KIF6: variants seen among roughly 807,000 people sequenced by gnomAD.
The protein encoded by KIF6 is kinesin family member 6.
Under a neutral mutation model 112.7 loss-of-function variants are expected in KIF6, and 106 were observed. The observed-to-expected ratio is 0.94, with a 90% CI of 0.80 to 1.11. The LOEUF (loss-of-function observed/expected upper bound fraction) is 1.11, where lower values mean the gene tolerates loss of function less well. Among genes scored for constraint, KIF6 ranks in the 50% least tolerant of loss-of-function variants. The pLI is 0.00. For missense variants in KIF6, 929 were observed against 964.0 expected (o/e 0.96, Z 0.48); for synonymous variants, 339 against 339.9 (o/e 1.00, Z 0.03).
intron 3 of KIF6, among the ~76,000 whole-genome samples, chr6:39,711,755 T>A (rs1172796516): frequency 6.6e-6 from 1 of 152,126 alleles, no homozygotes; most frequent in African/African-American, 2.4e-5. Context: ...TAGGTATAAC[T>A]TTGAGATAAT....
At chr6:39,681,779 T>G (rs981173272) in intron 3 of KIF6, among the ~76,000 whole-genome samples, 2 of 152,208 alleles carry the variant, frequency 1.3e-5, no homozygotes, top group Non-Finnish European at 2.9e-5. Flanking sequence ...TTTCTGGCCC[T>G]GTGACAAATT....
At chr6:39,725,073 C>A (rs2926473) in intron 1 of KIF6, among the ~76,000 whole-genome samples, 172 bp downstream of exon 1, 1 of 151,982 alleles carries the variant, frequency 6.6e-6, no homozygotes, top group African/African-American at 2.4e-5. Flanking sequence ...GACAGCAGTG[C>A]GCGGGGGTCT....
intron 13 of KIF6, among the ~76,000 whole-genome samples, chr6:39,487,990 CATCTATCTATCT>C (rs1464871982): frequency 6.6e-6 from 1 of 150,876 alleles, no homozygotes; most frequent in Non-Finnish European, 1.5e-5. Flanking sequence ...CATTTATAGG[CATCTATCTATCT>C]ATCTATCTAT....
At chr6:39,460,124 CA>C (rs1773367981) in intron 13 of KIF6, among the ~76,000 whole-genome samples, 1 of 147,498 alleles carries the variant, frequency 6.8e-6, no homozygotes, top group Non-Finnish European at 1.5e-5. Context: ...GGAACCAACC[CA>C]AATGTCCAAC....
Position 39,431,099 on chromosome 6 carries a change from C to T in KIF6, c.1708G>A (p.Ala570Thr), listed in dbSNP as rs762755780. The change falls in exon 14 of 23, where the codon GCT becomes ACT. Residue 570 changes from alanine (A) to threonine (T), a missense_variant. Around this residue, in one of 2 missense-constraint regions of KIF6, gnomAD observed 241 missense variants for 301.4 expected, o/e 0.80. Transcript: ENST00000287152. ...TTGTCATCGATGGTAACGCTGTCAG[C>T]GTGGTCCCTCTTGAAGATTTCAAAA... ...EAFEIFKRDHADSVTIDDNKQ... is the reference protein window; with the variant it reads ...EAFEIFKRDHTDSVTIDDNKQ... 5.0e-6 allele frequency: 8 copies of T among 1,613,382 alleles called. No individual in the cohort carries two copies. The highest frequency in any genetic ancestry group is 2.7e-5 in the African/African-American group (2 of 74,912).
At chr6:39,499,652 C>T (rs552320673) in intron 13 of KIF6, among the ~76,000 whole-genome samples, 25 of 152,214 alleles carry the variant, frequency 1.6e-4, no homozygotes, top group African/African-American at 5.5e-4. Flanking sequence ...CTCCTAGGAC[C>T]AAAATGTTTG....
At position 39,428,614 on chromosome 6, in the gene KIF6, T is replaced by C. The variant is rs1238076370; in HGVS notation, c.1754+2439A>G. ...TATCCCCATGCCCTGCTCCCATTCT[T>C]GTGGGTAAAGTATGCTAAAGTATAT... On this transcript the variant is annotated intron_variant, in intron 14 of 22. Coordinates refer to ENST00000287152, the MANE Select transcript of KIF6 (RefSeq NM_145027.6). Among the ~76,000 whole-genome samples the C allele has an allele frequency of 5.3e-5, 8 of 152,300 alleles. No individual in the cohort carries two copies. In the South Asian group the frequency reaches 1.7e-3, roughly 32 times the overall value.
chr6:39,343,045 C>T lies in KIF6; in HGVS notation c.2428+664G>A. On this transcript the variant is annotated intron_variant, in intron 22 of 22. Transcript: ENST00000287152. This position sits in a 1 kb window ranked among gnomAD's most constrained non-coding sequence, Gnocchi z 4.1. Reference sequence around the variant, plus strand: ...CAAAATGCAGGCCTGGGGTAAGGGGCCCTGGGGCTTGCCCTGTGGGTGTGT... The same window carrying T: ...CAAAATGCAGGCCTGGGGTAAGGGGTCCTGGGGCTTGCCCTGTGGGTGTGT... 3 of 985,332 alleles carry T rather than the reference C, an allele frequency of 3.0e-6. No homozygotes were observed. The highest frequency in any genetic ancestry group is 3.6e-6 in the Non-Finnish European group (3 of 829,904). 61.0% of individuals were successfully genotyped at this position (985,332 alleles called of 1,614,324 possible). A position where few individuals can be genotyped will look rare whatever the true frequency, so the allele number is the denominator to read the frequency against.
At chr6:39,446,860 T>C (rs1344540186) in intron 13 of KIF6, among the ~76,000 whole-genome samples, 1 of 152,236 alleles carries the variant, frequency 6.6e-6, no homozygotes, top group Non-Finnish European at 1.5e-5. Context: ...TCTGTGAATA[T>C]ATTTTATATA....
intron 7 of KIF6, among the ~76,000 whole-genome samples, chr6:39,587,737 G>T (rs1781713587): frequency 6.6e-6 from 1 of 151,862 alleles, no homozygotes; most frequent in Non-Finnish European, 1.5e-5. Flanking sequence ...CCTTCTTATT[G>T]TCCTGCTCCT....
intron 9 of KIF6, among the ~76,000 whole-genome samples, chr6:39,583,792 T>G (rs1781443006): frequency 6.7e-6 from 1 of 150,340 alleles, no homozygotes; most frequent in Non-Finnish European, 1.5e-5. Flanking sequence ...TGATGCAATC[T>G]TAATTATGGA....
At chr6:39,646,822 C>A (rs891271261) in intron 3 of KIF6, among the ~76,000 whole-genome samples, 2 of 152,062 alleles carry the variant, frequency 1.3e-5, no homozygotes, top group Non-Finnish European at 2.9e-5. Context: ...TACACAGTTC[C>A]GCCTTATCCA....
chr6:39,519,776 C>G (rs986943690), intron 13 of KIF6, among the ~76,000 whole-genome samples: 1 of 152,068 alleles, frequency 6.6e-6, no homozygotes, highest in Non-Finnish European at 1.5e-5. Flanking sequence ...AATTCCAGCC[C>G]TTCAGGAGGC....
intron 3 of KIF6, among the ~76,000 whole-genome samples, chr6:39,648,278 G>A (rs2150784888): frequency 6.6e-6 from 1 of 151,796 alleles, no homozygotes; most frequent in East Asian, 1.9e-4. Context: ...CTGACCTCAG[G>A]TGATCCACCC....
At chr6:39,543,785 C>T (rs1778924275) in intron 12 of KIF6, among the ~76,000 whole-genome samples, 1 of 152,096 alleles carries the variant, frequency 6.6e-6, no homozygotes, top group Non-Finnish European at 1.5e-5. Flanking sequence ...TGAGTTCCAC[C>T]CAACCCCACA....
At chr6:39,393,351 C>CT (rs1251892403) in intron 15 of KIF6, among the ~76,000 whole-genome samples, 1 of 152,212 alleles carries the variant, frequency 6.6e-6, no homozygotes, top group Non-Finnish European at 1.5e-5. Context: ...CTGCAAGTGA[C>CT]TGAATGTCAG....
Position 39,646,138 on chromosome 6 carries a change from A to AAAAT in KIF6, c.252-6385_252-6382dup, listed in dbSNP as rs537006802. Among the ~76,000 whole-genome samples, 6 of 148,812 alleles carry AAAAT rather than the reference A, an allele frequency of 4.0e-5. No individual in the cohort carries two copies. The South Asian group carries it at 1.3e-3, about 31-fold the overall frequency. On this transcript the variant is annotated intron_variant, in intron 3 of 22. Transcript: ENST00000287152. ...GTATAAGAAAAATATATATATATAT[A>AAAAT]AAATAAATAAATAAAGATGAGAAAA...
At chr6:39,671,701 T>C (rs1786824849) in intron 3 of KIF6, among the ~76,000 whole-genome samples, 1 of 152,262 alleles carries the variant, frequency 6.6e-6, no homozygotes, top group Non-Finnish European at 1.5e-5. Flanking sequence ...TCTAAAGCTC[T>C]ACCTTGCTTT....
At chr6:39,662,248 A>G (rs1034906836) in intron 3 of KIF6, among the ~76,000 whole-genome samples, 9 of 152,206 alleles carry the variant, frequency 5.9e-5, no homozygotes, top group Admixed American at 5.9e-4. Flanking sequence ...CTGATTTACT[A>G]TGGGTATATG....
Sources: allele counts gnomAD v4.1 joint callset (sites outside exome capture counted in the v4.1 genomes callset), GRCh38; gene constraint gnomAD v4.1.1; regional missense constraint gnomAD v4.1.1; non-coding constraint Gnocchi (gnomAD v3.1); transcripts MANE v1.5; gene names NCBI Gene and HGNC (gene_info 2026-07-23, HGNC 2026-07-21).